Variants in NPC1 observed in about 807,000 individuals in gnomAD.
The protein encoded by NPC1 is Niemann-Pick C1 protein.
In NPC1, 85 loss-of-function variants were observed where a neutral mutation model predicts 140.4. The ratio of observed to expected loss-of-function variants is 0.61; its 90% confidence interval spans 0.51 to 0.72. The LOEUF (loss-of-function observed/expected upper bound fraction) is 0.72, where lower values mean the gene tolerates loss of function less well. Among genes scored for constraint, NPC1 ranks in the 30% least tolerant of loss-of-function variants. NPC1 has a pLI of 0.00. For missense variants in NPC1, 1,504 were observed against 1,623.8 expected, an observed-to-expected ratio of 0.93 and a Z score of 1.27; for synonymous variants, 656 against 624.8, an observed-to-expected ratio of 1.05 and a Z score of -0.74.
downstream of NPC1, chr18:23,529,089 A>G (rs970722614): frequency 5.9e-6 from 9 of 1,523,546 alleles, no homozygotes; most frequent in Middle Eastern, 1.8e-4. Flanking sequence ...CTGGGTCCAC[A>G]TCGAAGAATT....
chr18:23,573,396 C>A (rs1223367196), intron 2 of NPC1, 56 bp downstream of exon 2: 3 of 1,611,954 alleles, frequency 1.9e-6, no homozygotes, highest in Non-Finnish European at 2.5e-6. Flanking sequence ...GGAATAATTA[C>A]AGAGGATCTT....
At chr18:23,506,749 A>G (rs775194206) in intron 3 of NPC1, 3 of 420,384 alleles carry the variant, frequency 7.1e-6, no homozygotes, top group Non-Finnish European at 1.3e-5. Flanking sequence ...GAATTCTTCA[A>G]TCACTTGTTA....
At chr18:23,529,292 AAAG>A (rs1448814922), downstream of NPC1, 3 of 1,610,124 alleles carry the variant, frequency 1.9e-6, no homozygotes, top group East Asian at 2.2e-5. Context: ...CCTTTGTGGA[AAAG>A]AAGGTGGGCT....
chr18:23,558,439 C>T (rs945150017), intron 6 of NPC1, among the ~76,000 whole-genome samples: 2 of 152,076 alleles, frequency 1.3e-5, no homozygotes, highest in African/African-American at 4.8e-5. Context: ...TTATTTCAAT[C>T]TCATCATGAG....
chr18:23,547,340 T>C (rs1033298242), intron 11 of NPC1, among the ~76,000 whole-genome samples: 7 of 152,212 alleles, frequency 4.6e-5, no homozygotes, highest in Admixed American at 2.6e-4. Context: ...TATACAAATA[T>C]ACATCATGGA....
chr18:23,522,139 C>T (rs2058159229), downstream of NPC1, among the ~76,000 whole-genome samples: 1 of 152,242 alleles, frequency 6.6e-6, no homozygotes, highest in African/African-American at 2.4e-5. Flanking sequence ...TCTTGCTGGA[C>T]CAGCCAAAAG....
intron 1 of NPC1, among the ~76,000 whole-genome samples, chr18:23,576,036 C>T (rs1014918456): frequency 5.9e-5 from 9 of 152,010 alleles, no homozygotes; most frequent in Admixed American, 2.0e-4. Context: ...CCAGCCTGAC[C>T]GACATGGAGA....
intron 4 of NPC1, among the ~76,000 whole-genome samples, chr18:23,567,583 G>A (rs1212635985): frequency 6.6e-6 from 1 of 152,104 alleles, no homozygotes; most frequent in East Asian, 1.9e-4. Context: ...TCTGTGTCTT[G>A]TCTTCTCGTT....
In NPC1 at chr18:23,534,491, G is replaced by A; in HGVS notation, c.3546C>T (p.Ser1182=). The change falls in exon 23 of 25, where the codon AGC becomes AGT. Residue 1182 remains serine (S), a synonymous_variant. Transcript: ENST00000269228. ...TRAFTVSMKG[S]RVERAEEALA... is the part of the protein sequence containing the mutation. ...GTGCCTCTTCCGCGCGCTCCACGCGGCTGCCTTTCATGCTCACCGTGAACG... is the reference window on the plus strand; with the variant it reads ...GTGCCTCTTCCGCGCGCTCCACGCGACTGCCTTTCATGCTCACCGTGAACG... 1.2e-6 allele frequency: 2 copies of A among 1,614,036 alleles called. No individual in the cohort carries two copies. Among genetic ancestry groups the A allele is most frequent in the Non-Finnish European group, 1.7e-6 (2 of 1,180,024 alleles).
At position 23,572,183 on chromosome 18, in the gene NPC1, T is replaced by C. The variant is rs371126954; in HGVS notation, c.181-3A>G. 6.8e-6 allele frequency: 11 copies of C among 1,610,468 alleles called. No homozygotes were observed. In the African/African-American group the frequency reaches 9.4e-5, roughly 14 times the overall value. ...AAGAAGAATCCTGGACAGAGTTCCTTTCAGGTGAAAGAGCACAGACACGGG... is the reference window on the plus strand; with the variant it reads ...AAGAAGAATCCTGGACAGAGTTCCTCTCAGGTGAAAGAGCACAGACACGGG... On this transcript the variant is annotated splice_region_variant and splice_polypyrimidine_tract_variant and intron_variant, in intron 2 of 24. Coordinates refer to ENST00000269228, the MANE Select transcript of NPC1 (RefSeq NM_000271.5).
chr18:23,526,283 C>T (rs886433470), downstream of NPC1, among the ~76,000 whole-genome samples: 3 of 152,194 alleles, frequency 2.0e-5, no homozygotes, highest in African/African-American at 7.2e-5. Flanking sequence ...CACGTGTTGA[C>T]ATCTTTTTCT....
downstream of NPC1, chr18:23,529,598 C>G (rs369142299): frequency 6.4e-7 from 1 of 1,554,032 alleles, no homozygotes; most frequent in Non-Finnish European, 8.9e-7. Flanking sequence ...TTTTGCACCT[C>G]GTTGGTATTT....
chr18:23,515,752 C>G lies in NPC1; in HGVS notation c.432-9110G>C, dbSNP rs1598866986. On this transcript the variant is annotated intron_variant, in intron 3 of 3. Coordinates refer to the NPC1 transcript ENST00000591107. ...TTTACCATTTTGTCCAGGCTGGTCT[C>G]GAACTCCTGACCTCAGGTGATCCGC... The G allele has an allele frequency of 6.6e-6, 9 of 1,372,518 alleles. No individual in the cohort carries two copies. The South Asian group carries it at 8.6e-5, about 13-fold the overall frequency. 85.0% of individuals were successfully genotyped at this position (1,372,518 alleles called of 1,614,324 possible).
At chr18:23,533,969 T>C (rs1010092798) in intron 23 of NPC1, 8 of 315,260 alleles carry the variant, frequency 2.5e-5, no homozygotes, top group Non-Finnish European at 4.3e-5. Context: ...TGTCTCCCAA[T>C]TGATTATCTT....
At chr18:23,557,519 G>C (rs956558698) in intron 6 of NPC1, among the ~76,000 whole-genome samples, 2 of 152,242 alleles carry the variant, frequency 1.3e-5, no homozygotes, top group African/African-American at 4.8e-5. Flanking sequence ...ACTTTGGGAG[G>C]CCAAGGTGGG....
downstream of NPC1, chr18:23,520,198 C>A: frequency 6.2e-7 from 1 of 1,612,000 alleles, no homozygotes; most frequent in South Asian, 1.1e-5. Context: ...TTTTTCCCCC[C>A]CAGACATCGG....
rs1310747267 is a variant in NPC1 at position 23,531,809 on chromosome 18, A to C, written c.*393T>G. On this transcript the variant is annotated 3_prime_UTR_variant, in exon 25 of 25. Coordinates refer to ENST00000269228, the MANE Select transcript of NPC1 (RefSeq NM_000271.5). ...GTTATAAAGTGTATCTACAACCTCA[A>C]CTGTCACTAAAAATATGGTATAGAA... The C allele has an allele frequency of 6.6e-7, 1 of 1,511,752 alleles. No individual in the cohort carries two copies. Among genetic ancestry groups the C allele is most frequent in the African/African-American group, 1.4e-5 (1 of 70,712 alleles). The allele number at this position is 1,511,752 out of a possible 1,614,324, so 93.6% of individuals were successfully genotyped here.
At chr18:23,578,709 T>C (rs1267731284) in intron 1 of NPC1, among the ~76,000 whole-genome samples, 1 of 152,242 alleles carries the variant, frequency 6.6e-6, no homozygotes, top group Non-Finnish European at 1.5e-5. Context: ...CTCCAGCTTC[T>C]CTCCAGCAGC....
intron 3 of NPC1, chr18:23,515,921 G>A: frequency 6.2e-7 from 1 of 1,614,170 alleles, no homozygotes; most frequent in Non-Finnish European, 8.5e-7. Context: ...ATTGGTACAT[G>A]TACTGCCCCG....
Sources: gnomAD v4.1 joint callset for allele counts (sites outside exome capture counted in the v4.1 genomes callset) on GRCh38, gnomAD v4.1.1 for gene constraint, MANE v1.5 for transcripts, NCBI Gene and HGNC (gene_info 2026-07-23, HGNC 2026-07-21) for gene names.